The following ZC3H12B variants were observed in gnomAD, a reference collection of about 807,000 sequenced individuals.
ZC3H12B encodes zinc finger CCCH-type containing 12B.
A neutral mutation model predicts 43.9 loss-of-function variants in ZC3H12B; 7 were observed. The ratio of observed to expected loss-of-function variants is 0.16; its 90% CI spans 0.09 to 0.30. The LOEUF is 0.30. ZC3H12B is among the 10% of genes least tolerant of loss of function. ZC3H12B has a pLI of 1.00. For missense variants in ZC3H12B, 475 were observed against 670.2 expected (o/e 0.71, Z 3.22); for synonymous variants, 222 against 241.7 (o/e 0.92, Z 0.76).
the ZC3H12B span, among the ~76,000 whole-genome samples, chrX:65,254,649 G>A: frequency 8.9e-6 from 1 of 112,369 alleles, no homozygotes. Context: ...CAAAAAGCCA[G>A]AGTATCTTCA....
chrX:65,161,021 CAGT>C, the ZC3H12B span, among the ~76,000 whole-genome samples: 1 of 110,848 alleles, frequency 9.0e-6, no homozygotes, highest in African/African-American at 3.3e-5. Flanking sequence ...GTTATGTACC[CAGT>C]AGTCATTCAG....
the ZC3H12B span, among the ~76,000 whole-genome samples, chrX:65,212,359 T>A: frequency 1.7e-4 from 9 of 53,579 alleles, no homozygotes; most frequent in Non-Finnish European, 2.4e-4. Context: ...ATAATTATTA[T>A]ATTTATATTA....
chrX:65,239,585 G>A, the ZC3H12B span, among the ~76,000 whole-genome samples: 3 of 111,515 alleles, frequency 2.7e-5, no homozygotes, highest in Non-Finnish European at 3.8e-5. Context: ...TACATTTAAG[G>A]TTAATATTTT....
At chrX:65,383,679 G>T (rs1338003449) in intron 2 of ZC3H12B, among the ~76,000 whole-genome samples, 1 of 110,285 alleles carries the variant, frequency 9.1e-6, no homozygotes, top group Admixed American at 9.7e-5. Context: ...CTACAAAATG[G>T]GAGAAAATTT....
chrX:65,135,164 T>C, the ZC3H12B span, among the ~76,000 whole-genome samples: 2 of 111,420 alleles, frequency 1.8e-5, no homozygotes, highest in African/African-American at 6.5e-5. Context: ...TTTTTCCTAG[T>C]GAAGTGTATA....
At chrX:65,481,891 T>A (rs2068067895) in intron 3 of ZC3H12B, among the ~76,000 whole-genome samples, 2 of 111,634 alleles carry the variant, frequency 1.8e-5, no homozygotes, top group Admixed American at 1.9e-4. Flanking sequence ...CTACTCCTAT[T>A]TGCCACCCAA....
At chrX:65,343,816 T>G in the ZC3H12B span, among the ~76,000 whole-genome samples, 1 of 111,562 alleles carries the variant, frequency 9.0e-6, no homozygotes, top group East Asian at 2.8e-4. Context: ...TATTGGAGGT[T>G]CTCACCAGAT....
At chrX:65,371,260 T>C (rs1301375291) in intron 2 of ZC3H12B, among the ~76,000 whole-genome samples, 1 of 112,176 alleles carries the variant, frequency 8.9e-6, no homozygotes, top group East Asian at 2.8e-4. Flanking sequence ...TTTCAAAGTA[T>C]TTTAAATATC....
the ZC3H12B span, among the ~76,000 whole-genome samples, chrX:65,065,533 C>T: frequency 2.9e-4 from 33 of 111,911 alleles, no homozygotes; most frequent in Non-Finnish European, 9.4e-5. Context: ...ATGGGCTTCC[C>T]TTTGTAGGTA....
chrX:65,204,636 A>T, the ZC3H12B span, among the ~76,000 whole-genome samples: 1 of 111,819 alleles, frequency 8.9e-6, no homozygotes, highest in African/African-American at 3.3e-5. Flanking sequence ...ATGGGTAGAC[A>T]ACATGTAATT....
the ZC3H12B span, among the ~76,000 whole-genome samples, chrX:65,333,658 T>C: frequency 3.6e-5 from 4 of 111,960 alleles, no homozygotes; most frequent in South Asian, 1.5e-3. Flanking sequence ...TAAGTTTTTT[T>C]CCTCTATTCT....
chrX:65,289,817 C>T, the ZC3H12B span, among the ~76,000 whole-genome samples: 1 of 110,500 alleles, frequency 9.0e-6, no homozygotes, highest in Admixed American at 9.7e-5. Context: ...CTATCTCACA[C>T]TATGTGCATA....
At chrX:65,242,951 G>A in the ZC3H12B span, among the ~76,000 whole-genome samples, 3 of 111,972 alleles carry the variant, frequency 2.7e-5, no homozygotes, top group Non-Finnish European at 5.6e-5. Context: ...ATAGTCTCCC[G>A]TCTCTTGCCA....
the ZC3H12B span, among the ~76,000 whole-genome samples, chrX:65,075,734 T>A: frequency 9.0e-6 from 1 of 111,723 alleles, no homozygotes; most frequent in African/African-American, 3.2e-5. Context: ...CCTAGCACAC[T>A]TTTTCACGAG....
At chrX:65,427,070 T>C (rs1483379079) in intron 3 of ZC3H12B, among the ~76,000 whole-genome samples, 1 of 111,886 alleles carries the variant, frequency 8.9e-6, no homozygotes, top group Admixed American at 9.5e-5. Flanking sequence ...TGTTAAAGTC[T>C]TCCACTATTA....
chrX:65,267,784 G>T, the ZC3H12B span, among the ~76,000 whole-genome samples: 5 of 111,297 alleles, frequency 4.5e-5, no homozygotes, highest in Non-Finnish European at 9.5e-5. Context: ...GCAGTTCTAA[G>T]AAAGAAGTTT....
intron 3 of ZC3H12B, among the ~76,000 whole-genome samples, chrX:65,406,602 C>A (rs1182161000): frequency 0.38 from 7,572 of 20,111 alleles, 1,291 homozygotes; most frequent in African/African-American, 0.63. Context: ...CTGGGCGGGG[C>A]TGGGCGGGGC....
At chrX:65,095,836 T>C in the ZC3H12B span, among the ~76,000 whole-genome samples, 1 of 110,939 alleles carries the variant, frequency 9.0e-6, no homozygotes, top group Non-Finnish European at 1.9e-5. Flanking sequence ...AAGTTCACAG[T>C]GCAGGGGGCC....
At chrX:65,173,750 C>T in the ZC3H12B span, among the ~76,000 whole-genome samples, 3 of 111,688 alleles carry the variant, frequency 2.7e-5, no homozygotes, top group African/African-American at 9.8e-5. Context: ...GTTGAACCAG[C>T]CTTACATCCC....
Sources: gnomAD v4.1 joint callset for allele counts (sites outside exome capture counted in the v4.1 genomes callset) on GRCh38, gnomAD v4.1.1 for gene constraint, MANE v1.5 for transcripts, NCBI Gene and HGNC (gene_info 2026-07-23, HGNC 2026-07-21) for gene names.